The following ARHGAP28 variants were observed in gnomAD, a reference collection of about 807,000 sequenced individuals.
ARHGAP28 encodes the protein Rho GTPase activating protein 28, also known as rho GTPase-activating protein 28.
ARHGAP28 carries 56 observed loss-of-function variants against 90.7 expected under a neutral mutation model. That is an observed-to-expected ratio of 0.62 (90% CI 0.50 to 0.77). ARHGAP28 has a LOEUF of 0.77. Ranked by LOEUF, ARHGAP28 falls within the 30% of genes least tolerant of loss-of-function variation. The probability of loss-of-function intolerance (pLI) is 0.00; values close to 1 mark genes in which losing one functional copy is unlikely to be tolerated. For missense variants in ARHGAP28, 869 were observed against 900.9 expected (o/e 0.96, Z 0.45); for synonymous variants, 308 against 323.3 (o/e 0.95, Z 0.51).
intron 1 of ARHGAP28, among the ~76,000 whole-genome samples, chr18:6,747,890 G>A (rs1217967086): frequency 6.6e-6 from 1 of 152,224 alleles, no homozygotes; most frequent in Non-Finnish European, 1.5e-5. Context: ...GGATGATCCA[G>A]CTGGGTATCC....
Position 6,833,609 on chromosome 18 carries a change from C to T in ARHGAP28, c.326-3588C>T, listed in dbSNP as rs143465761. Among the ~76,000 whole-genome samples the T allele has an allele frequency of 3.6e-3, 554 of 152,220 alleles. 4 individuals are homozygous for T. Among genetic ancestry groups the T allele is most frequent in the African/African-American group, 0.013 (526 of 41,552 alleles). ...CCCAATGACTTAGACTCAGGTTATA[C>T]ATCTTTGGCAAGTTGTGATGTTGTG... On this transcript the variant is annotated intron_variant, in intron 2 of 17. Coordinates refer to ENST00000383472, the MANE Select transcript of ARHGAP28 (RefSeq NM_001366230.1).
intron 1 of ARHGAP28, among the ~76,000 whole-genome samples, chr18:6,802,205 CTACAATAAACATGAAAGTAT>C (rs1246061580): frequency 6.6e-6 from 1 of 151,886 alleles, no homozygotes; most frequent in Non-Finnish European, 1.5e-5. Context: ...GGCTATTGTG[CTACAATAAACATGAAAGTAT>C]TACAATAAAC....
intron 1 of ARHGAP28, among the ~76,000 whole-genome samples, chr18:6,747,266 C>T (rs2056031394): frequency 6.6e-6 from 1 of 151,958 alleles, no homozygotes; most frequent in Non-Finnish European, 1.5e-5. Flanking sequence ...GGACATGATA[C>T]TTGAGTTGGA....
chr18:6,844,430 C>G (rs1465723008), intron 3 of ARHGAP28, among the ~76,000 whole-genome samples: 1 of 152,094 alleles, frequency 6.6e-6, no homozygotes, highest in Non-Finnish European at 1.5e-5. Flanking sequence ...AGAATAGTGT[C>G]TATTAATGTG....
chr18:6,789,291 G>A (rs2143542220), intron 1 of ARHGAP28: 1 of 152,330 alleles, frequency 6.6e-6, no homozygotes, highest in South Asian at 2.1e-4. Flanking sequence ...GAAAAGACAG[G>A]CCGGGTGCGG....
At chr18:6,854,934 C>T (rs182889061) in intron 4 of ARHGAP28, among the ~76,000 whole-genome samples, 13 of 152,336 alleles carry the variant, frequency 8.5e-5, no homozygotes, top group Admixed American at 2.6e-4. Flanking sequence ...TGTTGCAACC[C>T]CCCACGGTGT....
intron 1 of ARHGAP28, among the ~76,000 whole-genome samples, chr18:6,767,169 A>C (rs1314784125): frequency 6.6e-6 from 1 of 152,026 alleles, no homozygotes; most frequent in Admixed American, 6.5e-5. Flanking sequence ...ACAACATGAC[A>C]CTTTATCTTA....
chr18:6,807,861 C>G (rs529994898), intron 1 of ARHGAP28, among the ~76,000 whole-genome samples: 7 of 152,202 alleles, frequency 4.6e-5, no homozygotes, highest in Non-Finnish European at 7.3e-5. Context: ...TTCCTAAACT[C>G]AGACCCTCAG....
intron 1 of ARHGAP28, among the ~76,000 whole-genome samples, chr18:6,763,300 CTCG>C (rs1363854289): frequency 1.3e-5 from 2 of 152,052 alleles, no homozygotes; most frequent in African/African-American, 2.4e-5. Context: ...CCAGGCTGGT[CTCG>C]AACTCCTGAC....
At chr18:6,885,448 C>T (rs1186521901) in intron 11 of ARHGAP28, among the ~76,000 whole-genome samples, 7 of 152,152 alleles carry the variant, frequency 4.6e-5, no homozygotes, top group Admixed American at 1.3e-4. Flanking sequence ...GCCTTTTCCA[C>T]TAATGTCGTT....
chr18:6,900,520 T>TA (rs2057332727), intron 16 of ARHGAP28, among the ~76,000 whole-genome samples: 2 of 151,730 alleles, frequency 1.3e-5, no homozygotes, highest in Non-Finnish European at 1.5e-5. Context: ...AAAACTGAAG[T>TA]AAAAAACTTG....
chr18:6,734,339 T>C (rs1161921820), intron 1 of ARHGAP28, among the ~76,000 whole-genome samples: 1 of 152,154 alleles, frequency 6.6e-6, no homozygotes, highest in African/African-American at 2.4e-5. Context: ...GTTTTTTTTG[T>C]GAAGGTATAG....
At chr18:6,886,339 C>T (rs2057220847) in intron 11 of ARHGAP28, among the ~76,000 whole-genome samples, 1 of 152,124 alleles carries the variant, frequency 6.6e-6, no homozygotes, top group African/African-American at 2.4e-5. Flanking sequence ...AGCCTAGATT[C>T]TCTGGTGTAT....
At chr18:6,864,089 G>A (rs1254319210) in intron 5 of ARHGAP28, among the ~76,000 whole-genome samples, 5 of 151,400 alleles carry the variant, frequency 3.3e-5, no homozygotes, top group African/African-American at 2.4e-5. Context: ...TTTTTGAGAC[G>A]GAGTCTTGCT....
intron 2 of ARHGAP28, among the ~76,000 whole-genome samples, chr18:6,825,932 T>G: frequency 6.6e-6 from 1 of 152,316 alleles, no homozygotes; most frequent in East Asian, 1.9e-4. Context: ...TGCATGTGTC[T>G]TTTTAGTATA....
At chr18:6,894,551 T>G (rs1485120384) in intron 14 of ARHGAP28, among the ~76,000 whole-genome samples, 1 of 152,200 alleles carries the variant, frequency 6.6e-6, no homozygotes, top group Non-Finnish European at 1.5e-5. Context: ...ACACAATAAG[T>G]TATTTCAGCA....
intron 15 of ARHGAP28, 124 bp downstream of exon 15, chr18:6,895,015 G>A: frequency 1.0e-6 from 1 of 964,678 alleles, no homozygotes; most frequent in Non-Finnish European, 1.6e-6. Context: ...TTTCAATGTG[G>A]CACATAAAGG....
At chr18:6,835,351 C>T (rs2056745455) in intron 2 of ARHGAP28, among the ~76,000 whole-genome samples, 1 of 152,174 alleles carries the variant, frequency 6.6e-6, no homozygotes. Flanking sequence ...CATGTCATAA[C>T]TCTTAACTTA....
At chr18:6,768,175 T>G (rs1297967491) in intron 1 of ARHGAP28, among the ~76,000 whole-genome samples, 1 of 152,224 alleles carries the variant, frequency 6.6e-6, no homozygotes, top group Non-Finnish European at 1.5e-5. Flanking sequence ...TTCTCTCCTC[T>G]TATTTTTCTT....
Sources: gnomAD v4.1 joint callset for allele counts (sites outside exome capture counted in the v4.1 genomes callset) on GRCh38, gnomAD v4.1.1 for gene constraint, MANE v1.5 for transcripts, NCBI Gene and HGNC (gene_info 2026-07-23, HGNC 2026-07-21) for gene names.